The following DISC1 variants were observed in gnomAD, a reference collection of about 807,000 sequenced individuals.
The protein encoded by DISC1 is disrupted in schizophrenia 1 protein.
In DISC1, 57 loss-of-function variants were observed where a neutral mutation model predicts 84.5. The observed-to-expected ratio is 0.67, with a 90% CI of 0.55 to 0.84. The LOEUF is 0.84. Among genes scored for constraint, DISC1 ranks in the 40% least tolerant of loss-of-function variants. The pLI, the probability that DISC1 is intolerant of heterozygous loss-of-function variation, is 0.00. For synonymous variants in DISC1, 411 were observed against 415.2 expected (o/e 0.99, Z 0.12); for missense variants, 1,000 against 1,057.8 (o/e 0.95, Z 0.76).
In DISC1 at chr1:231,721,198, G is replaced by A. The variant is rs117726226; in HGVS notation, c.1117+19174G>A. 225 of 960,976 alleles carry A rather than the reference G, an allele frequency of 2.3e-4. 5 individuals are homozygous for A. The East Asian group carries it at 0.011, about 46-fold the overall frequency. The allele number at this position is 960,976 out of a possible 1,614,324, so 59.5% of individuals were successfully genotyped here. The stretch of plus-strand genomic sequence containing the variant: ...AATACATATAAAAACTGTGCTGATT[G>A]AAAGGAGCTATGTCAACATATTAAT... On this transcript the variant is annotated intron_variant, in intron 3 of 12. Transcript: ENST00000439617.
intron 1 of DISC1, among the ~76,000 whole-genome samples, chr1:231,679,977 C>A (rs1054471247): frequency 6.6e-6 from 1 of 152,180 alleles, no homozygotes; most frequent in Non-Finnish European, 1.5e-5. Flanking sequence ...CCTGTAATCC[C>A]AGCACTTTGG....
chr1:231,862,539 G>A (rs983736699), intron 9 of DISC1, among the ~76,000 whole-genome samples: 4 of 152,282 alleles, frequency 2.6e-5, no homozygotes, highest in African/African-American at 4.8e-5. Context: ...AGTATCTGGT[G>A]TATGATTGCT....
chr1:231,902,782 T>C (rs910465383), intron 9 of DISC1, among the ~76,000 whole-genome samples: 1 of 152,162 alleles, frequency 6.6e-6, no homozygotes, highest in African/African-American at 2.4e-5. Context: ...ACACGTTGAG[T>C]ATCCCTGTCT....
chr1:231,990,020 G>A (rs896169849), intron 10 of DISC1, among the ~76,000 whole-genome samples: 1 of 152,076 alleles, frequency 6.6e-6, no homozygotes, highest in Non-Finnish European at 1.5e-5. Flanking sequence ...GACTCAAGAG[G>A]CACTGTTTTC....
At chr1:231,980,961 T>A (rs1168983476) in intron 10 of DISC1, among the ~76,000 whole-genome samples, 2 of 152,166 alleles carry the variant, frequency 1.3e-5, no homozygotes, top group Non-Finnish European at 2.9e-5. Context: ...TAGGTTAAAT[T>A]TTTGAGATAG....
chr1:231,800,220 A>T lies in DISC1; in HGVS notation c.1792+10A>T. On this transcript the variant is annotated intron_variant, in intron 8 of 12. Transcript: ENST00000439617. ...ATGCATGCCATATCAGGTAACTGGC[A>T]GTGTAGGAGACGTTGAAGCTATCCA... 1 of 1,604,960 alleles carries T rather than the reference A, an allele frequency of 6.2e-7. No individual in the cohort carries two copies. The highest frequency in any genetic ancestry group is 8.5e-7 in the Non-Finnish European group (1 of 1,173,234).
chr1:231,777,408 A>G (rs2077039236), intron 6 of DISC1, among the ~76,000 whole-genome samples: 1 of 151,920 alleles, frequency 6.6e-6, no homozygotes, highest in Non-Finnish European at 1.5e-5. Flanking sequence ...TTTTATAGAG[A>G]TGGGGGTCTT....
intron 1 of DISC1, among the ~76,000 whole-genome samples, chr1:231,642,189 G>A (rs992431696): frequency 6.6e-6 from 1 of 152,150 alleles, no homozygotes. Context: ...GGGGCCGGCC[G>A]GCCACTCCGA....
intron 9 of DISC1, among the ~76,000 whole-genome samples, chr1:231,848,214 A>G (rs888782750): frequency 2.6e-5 from 4 of 152,094 alleles, no homozygotes; most frequent in Non-Finnish European, 5.9e-5. Flanking sequence ...CTTGCATAAC[A>G]GGTTTGGTGT....
chr1:231,987,036 C>T (rs562787450), intron 10 of DISC1, among the ~76,000 whole-genome samples: 1 of 152,110 alleles, frequency 6.6e-6, no homozygotes, highest in African/African-American at 2.4e-5. Flanking sequence ...CTGGGACAGT[C>T]GGTCTGTTCA....
chr1:231,651,401 C>A (rs1052089946), intron 1 of DISC1, among the ~76,000 whole-genome samples: 1 of 152,190 alleles, frequency 6.6e-6, no homozygotes, highest in Non-Finnish European at 1.5e-5. Flanking sequence ...GTGGAGGCTG[C>A]AGAACAGCAA....
In DISC1 at chr1:232,039,689, C is replaced by A. The variant is rs1670701402; in HGVS notation, c.*2858C>A. 6.6e-6 allele frequency: 1 copy of A among 152,060 alleles called. No individual in the cohort carries two copies. Among genetic ancestry groups the A allele is most frequent in the Non-Finnish European group, 1.5e-5 (1 of 68,020 alleles). 9.4% of individuals were successfully genotyped at this position (152,060 alleles called of 1,614,324 possible). Reference sequence around the variant, plus strand: ...GTGTATCCTCAATCATACTATACAGCAGTTTTTGTCAGGGGAACATAAAAA... The same window carrying A: ...GTGTATCCTCAATCATACTATACAGAAGTTTTTGTCAGGGGAACATAAAAA... On this transcript the variant is annotated 3_prime_UTR_variant, in exon 13 of 13. Transcript: ENST00000439617.
chr1:231,657,280 C>T (rs886723116), intron 1 of DISC1, among the ~76,000 whole-genome samples: 3 of 152,234 alleles, frequency 2.0e-5, no homozygotes, highest in African/African-American at 7.2e-5. Flanking sequence ...TTCTCCACAA[C>T]CTCACCAGCA....
intron 3 of DISC1, among the ~76,000 whole-genome samples, chr1:231,713,811 GAT>G (rs1253266747): frequency 7.1e-6 from 1 of 141,382 alleles, no homozygotes; most frequent in South Asian, 2.2e-4. Flanking sequence ...ATATATAGGA[GAT>G]ATATATATAG....
At chr1:231,919,756 C>G (rs888122137) in intron 9 of DISC1, among the ~76,000 whole-genome samples, 2 of 152,154 alleles carry the variant, frequency 1.3e-5, no homozygotes, top group African/African-American at 2.4e-5. Context: ...TGTTTATACA[C>G]AGAATATGGT....
chr1:232,020,439 C>G (rs932053135), intron 11 of DISC1, among the ~76,000 whole-genome samples: 1 of 152,138 alleles, frequency 6.6e-6, no homozygotes, highest in Non-Finnish European at 1.5e-5. Flanking sequence ...TCCTAAGACC[C>G]CTACCAAATC....
intron 10 of DISC1, among the ~76,000 whole-genome samples, chr1:231,976,017 T>C (rs546270656): frequency 6.6e-6 from 1 of 152,372 alleles, no homozygotes; most frequent in Admixed American, 6.5e-5. Context: ...ATTAGTTTAC[T>C]TATGAAGCAT....
Position 231,818,320 on chromosome 1 carries a change from G to A in DISC1, c.1793-9G>A, listed in dbSNP as rs188431307. ...GTTTTCCCTTCTTCTCTCCCACAAC[G>A]TGCTGTAGGAAACCATTTCTGGACG... On this transcript the variant is annotated splice_polypyrimidine_tract_variant and intron_variant, in intron 8 of 12. Transcript: ENST00000439617. The A allele has an allele frequency of 2.6e-4, 419 of 1,613,264 alleles. No individual in the cohort carries two copies. In the African/African-American group the frequency reaches 3.7e-3, roughly 14 times the overall value.
At chr1:231,822,564 G>A (rs2759331) in intron 9 of DISC1, among the ~76,000 whole-genome samples, 2 of 151,918 alleles carry the variant, frequency 1.3e-5, no homozygotes, top group African/African-American at 4.8e-5. Context: ...TTGTAAGTTC[G>A]CAATGACAAG....
Sources: allele counts gnomAD v4.1 joint callset (sites outside exome capture counted in the v4.1 genomes callset), GRCh38; gene constraint gnomAD v4.1.1; transcripts MANE v1.5; gene names NCBI Gene and HGNC (gene_info 2026-07-23, HGNC 2026-07-21).